Variants in ADAMTSL1 observed in about 807,000 individuals in gnomAD.
ADAMTSL1 encodes the protein ADAMTS-like protein 1.
ADAMTSL1 carries 126 observed loss-of-function variants against 201.8 expected under a neutral mutation model. That is an observed-to-expected ratio of 0.62 (90% confidence interval 0.54 to 0.72). The LOEUF is 0.72. Among genes scored for constraint, ADAMTSL1 ranks in the 30% least tolerant of loss-of-function variants. The pLI is 0.00. For synonymous variants in ADAMTSL1, 1,121 were observed against 903.4 expected, an observed-to-expected ratio of 1.24 and a Z score of -4.32; for missense variants, 2,679 against 2,277.8, an observed-to-expected ratio of 1.18 and a Z score of -3.59.
At chr9:18,073,706 G>A (rs1271151048) in intron 1 of ADAMTSL1, among the ~76,000 whole-genome samples, 2 of 152,148 alleles carry the variant, frequency 1.3e-5, no homozygotes, top group African/African-American at 4.8e-5. Flanking sequence ...TTTTAAGATA[G>A]AAGACAACAT....
chr9:17,976,651 C>G (rs1352607930), intron 1 of ADAMTSL1, among the ~76,000 whole-genome samples: 1 of 151,420 alleles, frequency 6.6e-6, no homozygotes, highest in Non-Finnish European at 1.5e-5. Context: ...CCTTAAGGTT[C>G]TTTCTCTCTC....
At chr9:18,889,994 C>G (rs1193343519) in intron 25 of ADAMTSL1, among the ~76,000 whole-genome samples, 1 of 152,248 alleles carries the variant, frequency 6.6e-6, no homozygotes, top group East Asian at 1.9e-4. Flanking sequence ...TTCCCAAGTC[C>G]CTAACGGGGT....
At chr9:18,120,250 C>T (rs1418383331) in intron 1 of ADAMTSL1, among the ~76,000 whole-genome samples, 1 of 152,216 alleles carries the variant, frequency 6.6e-6, no homozygotes, top group Non-Finnish European at 1.5e-5. Flanking sequence ...AGACTGCTCT[C>T]AACATGGCAG....
intron 2 of ADAMTSL1, among the ~76,000 whole-genome samples, chr9:18,241,710 TA>T (rs1408302981): frequency 3.3e-5 from 5 of 151,758 alleles, no homozygotes; most frequent in African/African-American, 9.7e-5. Flanking sequence ...GCCTTAGAAA[TA>T]AAAAAGGATC....
intron 1 of ADAMTSL1, among the ~76,000 whole-genome samples, chr9:18,086,412 A>G (rs12337268): frequency 0.29 from 43,425 of 152,126 alleles, 7,850 homozygotes; most frequent in Non-Finnish European, 0.4. Flanking sequence ...GAATTAAAAA[A>G]AAAAAGCAAA....
chr9:18,348,363 C>T (rs1283661736), intron 2 of ADAMTSL1, among the ~76,000 whole-genome samples: 2 of 152,006 alleles, frequency 1.3e-5, no homozygotes, highest in East Asian at 3.9e-4. Flanking sequence ...TGCTGCTTTT[C>T]ATTTCAAGCA....
At chr9:18,659,122 C>T (rs1463979001) in intron 8 of ADAMTSL1, among the ~76,000 whole-genome samples, 1 of 152,108 alleles carries the variant, frequency 6.6e-6, no homozygotes, top group Non-Finnish European at 1.5e-5. Context: ...TTCATAGAAG[C>T]CAGTTAATTG....
intron 2 of ADAMTSL1, among the ~76,000 whole-genome samples, chr9:18,170,137 A>G (rs1827824900): frequency 6.6e-6 from 1 of 152,056 alleles, no homozygotes; most frequent in Non-Finnish European, 1.5e-5. Context: ...GACTTACCCA[A>G]TGTATTATGT....
chr9:18,828,662 A>ATATT (rs1824759981), intron 22 of ADAMTSL1, among the ~76,000 whole-genome samples: 1 of 37,312 alleles, frequency 2.7e-5, no homozygotes, highest in Admixed American at 2.9e-4. Context: ...AAGTATATTT[A>ATATT]TATATATATA....
At position 18,178,579 on chromosome 9, in the gene ADAMTSL1, C is replaced by T. The variant is rs1484430600; in HGVS notation, c.207+14598C>T. 2.0e-5 allele frequency among the ~76,000 whole-genome samples: 3 copies of T among 151,746 alleles called. No homozygotes were observed. The East Asian group carries it at 5.8e-4, about 29-fold the overall frequency. On this transcript the variant is annotated intron_variant, in intron 2 of 29. Coordinates refer to the ADAMTSL1 transcript ENST00000680146. The stretch of plus-strand genomic sequence containing the variant: ...AGGCTCCACCTCTGGGGGCAGGGCA[C>T]AGACAAACAAAAAGACAGCAGTAAC...
In ADAMTSL1 at chr9:18,278,696, C is replaced by G. The variant is rs982356094; in HGVS notation, c.207+114715C>G. Among the ~76,000 whole-genome samples the G allele has an allele frequency of 2.0e-5, 3 of 152,242 alleles. No individual in the cohort carries two copies. The South Asian group carries it at 6.2e-4, about 32-fold the overall frequency. Reference sequence around the variant, plus strand: ...CTTCATAGATCTGGATGTTTATTTTCCACTTCAGACTTGGGATATTTTCTG... The same window carrying G: ...CTTCATAGATCTGGATGTTTATTTTGCACTTCAGACTTGGGATATTTTCTG... On this transcript the variant is annotated intron_variant, in intron 2 of 29. Transcript: ENST00000680146.
At chr9:18,145,269 T>G (rs1826588695) in intron 1 of ADAMTSL1, among the ~76,000 whole-genome samples, 1 of 152,200 alleles carries the variant, frequency 6.6e-6, no homozygotes, top group African/African-American at 2.4e-5. Context: ...GTATTCAATG[T>G]TATGCACAAT....
intron 2 of ADAMTSL1, among the ~76,000 whole-genome samples, chr9:18,521,393 C>T (rs901362287): frequency 5.9e-5 from 9 of 151,368 alleles, no homozygotes. Flanking sequence ...CATTGCATGC[C>T]TGTATCAAAA....
Position 18,802,829 on chromosome 9 carries a change from T to C in ADAMTSL1, c.3805+7305T>C, listed in dbSNP as rs1277825615. ...CACCACTTTACATTTCCACCAGCAA[T>C]GTAGGATAGTTCAGTTTCTCCATAT... On this transcript the variant is annotated intron_variant, in intron 20 of 28. Transcript: ENST00000380548. 2.6e-5 allele frequency among the ~76,000 whole-genome samples: 4 copies of C among 152,232 alleles called. No homozygotes were observed. In the South Asian group the frequency reaches 6.2e-4, roughly 24 times the overall value.
At position 18,399,280 on chromosome 9, in the gene ADAMTSL1, CATATATATATATATAT is replaced by C. The variant is rs561622408; in HGVS notation, c.208-105515_208-105500del. 5.4e-3 allele frequency among the ~76,000 whole-genome samples: 167 copies of C among 31,006 alleles called. 4 individuals are homozygous for C. The highest frequency in any genetic ancestry group is 0.017 in the East Asian group (18 of 1,036). 20.3% of individuals were successfully genotyped at this position (31,006 alleles called of 152,430 possible). ...TTCTTTAGTTCCTCTGTCTGCTTTACATATATATATATATATATATATATATATATATATATATATA... is the reference window on the plus strand; with the variant it reads ...TTCTTTAGTTCCTCTGTCTGCTTTACATATATATATATATATATATATATA... On this transcript the variant is annotated intron_variant, in intron 2 of 29. Transcript: ENST00000680146.
At chr9:18,804,398 G>A (rs1196701676) in intron 20 of ADAMTSL1, among the ~76,000 whole-genome samples, 1 of 152,196 alleles carries the variant, frequency 6.6e-6, no homozygotes, top group Non-Finnish European at 1.5e-5. Flanking sequence ...GGAAATAGAT[G>A]TAAAGGAGGC....
At chr9:17,963,042 A>G (rs1817823659) in intron 1 of ADAMTSL1, among the ~76,000 whole-genome samples, 1 of 152,254 alleles carries the variant, frequency 6.6e-6, no homozygotes, top group Non-Finnish European at 1.5e-5. Context: ...CCTTTTGGCA[A>G]AATGCCCTTG....
At chr9:18,017,442 C>G (rs560404303) in intron 1 of ADAMTSL1, among the ~76,000 whole-genome samples, 1 of 151,992 alleles carries the variant, frequency 6.6e-6, no homozygotes, top group South Asian at 2.1e-4. Flanking sequence ...ATTTGAGAAG[C>G]CTGTTGGGAA....
intron 5 of ADAMTSL1, among the ~76,000 whole-genome samples, chr9:18,623,011 TC>T (rs1826129835): frequency 6.6e-6 from 1 of 152,204 alleles, no homozygotes; most frequent in Non-Finnish European, 1.5e-5. Context: ...TTCTCTTGCC[TC>T]AACCTTGCAA....
Sources: allele counts gnomAD v4.1 joint callset (sites outside exome capture counted in the v4.1 genomes callset), GRCh38; gene constraint gnomAD v4.1.1; transcripts MANE v1.5; gene names NCBI Gene and HGNC (gene_info 2026-07-23, HGNC 2026-07-21).